CCNG2: variants seen among roughly 807,000 people sequenced by gnomAD.
CCNG2 encodes the protein cyclin-G2.
Under a neutral mutation model 36.5 loss-of-function variants are expected in CCNG2, and 20 were observed. That is an observed-to-expected ratio of 0.55 (90% CI 0.39 to 0.80). CCNG2 has a LOEUF of 0.80. Ranked by LOEUF, CCNG2 falls within the 30% of genes least tolerant of loss-of-function variation. CCNG2 has a pLI of 0.00. For synonymous variants in CCNG2, 155 were observed against 140.1 expected (o/e 1.11, Z -0.75); for missense variants, 358 against 390.8 (o/e 0.92, Z 0.71).
intron 1 of CCNG2, 39 bp from the exon 2 acceptor site, chr4:77,158,493 AC>A (rs1201130141): frequency 4.7e-5 from 75 of 1,610,806 alleles, no homozygotes; most frequent in Non-Finnish European, 6.2e-5. Context: ...CACCCCTCTT[AC>A]CCCCAGATTA....
rs1414188696 is a variant in CCNG2 at position 77,166,227 on chromosome 4, A to G, written c.*303A>G. 1 of 185,620 alleles carries G rather than the reference A, an allele frequency of 5.4e-6. No individual in the cohort carries two copies. Among genetic ancestry groups the G allele is most frequent in the East Asian group, 1.4e-4 (1 of 7,144 alleles). The allele number at this position is 185,620 out of a possible 1,614,324, so 11.5% of individuals were successfully genotyped here. ...TACCTTCAATTTGTTACTTTTCAAG[A>G]TTTTTAAAAATAACTAGTGTAGCTT... is the stretch of plus-strand genomic sequence containing the variant. On this transcript the variant is annotated 3_prime_UTR_variant, in exon 8 of 8. Transcript: ENST00000316355.
At chr4:77,162,376 ATTTTTTTT>A (rs35692387) in intron 6 of CCNG2, among the ~76,000 whole-genome samples, 3 of 71,450 alleles carry the variant, frequency 4.2e-5, no homozygotes, top group South Asian at 1.0e-3. Flanking sequence ...GTACTTTGGG[ATTTTTTTT>A]TTTTTTTTTT....
In CCNG2 at chr4:77,161,598, G is replaced by C. The variant is rs143990000; in HGVS notation, c.606+40G>C. The C allele has an allele frequency of 8.2e-4, 1,288 of 1,572,808 alleles. 9 individuals are homozygous for C. The African/African-American group carries it at 0.016, about 20-fold the overall frequency. On this transcript the variant is annotated intron_variant, in intron 5 of 7. Coordinates refer to ENST00000316355, the MANE Select transcript of CCNG2 (RefSeq NM_004354.3). ...TGCTTATGTATATATCTCACAGTTT[G>C]TATTTTGAATTTTTAAAAAATATTT...
At position 77,158,237 on chromosome 4, in the gene CCNG2, G is replaced by A. The variant is rs1731323856; in HGVS notation, c.1-296G>A. ...CGACTTCAGGTGGGGCAGACCGAGG[G>A]GACGCCGGCGCCCGCGGACAGTTTC... On this transcript the variant is annotated intron_variant, in intron 1 of 7. Transcript: ENST00000316355. The A allele has an allele frequency of 7.7e-6, 3 of 388,874 alleles. No individual in the cohort carries two copies. In the South Asian group the frequency reaches 1.0e-4, roughly 13 times the overall value. The allele number at this position is 388,874 out of a possible 1,614,324, so 24.1% of individuals were successfully genotyped here.
intron 2 of CCNG2, 122 bp downstream of exon 2, chr4:77,158,792 A>T (rs1052461776): frequency 1.0e-6 from 1 of 959,578 alleles, no homozygotes; most frequent in Non-Finnish European, 1.6e-6. Flanking sequence ...TTCTTTCTGG[A>T]GTACCAAGAT....
At chr4:77,161,397 TG>T in intron 4 of CCNG2, 82 bp from the exon 5 acceptor site, 1 of 1,097,950 alleles carries the variant, frequency 9.1e-7, no homozygotes, top group Non-Finnish European at 1.3e-6. Flanking sequence ...ACACCGCGTC[TG>T]GCCCTGGCAA....
chr4:77,166,091 T>A lies in CCNG2; in HGVS notation c.*167T>A. On this transcript the variant is annotated 3_prime_UTR_variant, in exon 8 of 8. Coordinates refer to ENST00000316355, the MANE Select transcript of CCNG2 (RefSeq NM_004354.3). ...ATCTGGCCTATTTTCATATTTATCC[T>A]AAGCCATCAAATGGGGTAGTGCCTC... 1 of 552,808 alleles carries A rather than the reference T, an allele frequency of 1.8e-6. No individual in the cohort carries two copies. The highest frequency in any genetic ancestry group is 1.9e-5 in the African/African-American group (1 of 51,514). 34.2% of individuals were successfully genotyped at this position (552,808 alleles called of 1,614,324 possible). A position where few individuals can be genotyped will look rare whatever the true frequency, so the allele number is the denominator to read the frequency against.
intron 6 of CCNG2, among the ~76,000 whole-genome samples, chr4:77,163,190 T>C (rs1039155034): frequency 1.3e-5 from 2 of 152,132 alleles, no homozygotes; most frequent in African/African-American, 2.4e-5. Context: ...GAATCCTTTT[T>C]GTAGGGGTCA....
intron 7 of CCNG2, 47 bp downstream of exon 7, chr4:77,164,526 C>T (rs748786726): frequency 1.4e-6 from 2 of 1,384,362 alleles, no homozygotes; most frequent in Non-Finnish European, 2.0e-6. Flanking sequence ...CTAAATATTA[C>T]TGAGTTTATT....
rs1731336067 is a variant in CCNG2 at position 77,158,532 on chromosome 4, G to T, written c.1-1G>T. ...TTCTCTGTGTGGTGTCTTTACTGCA[G>T]ATGAAGGATTTGGGGGCAGAGCACT... On this transcript the variant is annotated splice_acceptor_variant, in intron 1 of 7. Coordinates refer to ENST00000316355, the MANE Select transcript of CCNG2 (RefSeq NM_004354.3). LOFTEE classifies it low-confidence loss of function (5UTR_SPLICE). 1 of 1,614,068 alleles carries T rather than the reference G, an allele frequency of 6.2e-7. No individual in the cohort carries two copies. Among genetic ancestry groups the T allele is most frequent in the African/African-American group, 1.3e-5 (1 of 74,940 alleles).
At chr4:77,161,097 A>ATATT in intron 4 of CCNG2, 126 bp downstream of exon 4, 23 of 475,092 alleles carry the variant, frequency 4.8e-5, no homozygotes, top group Non-Finnish European at 6.2e-5. Context: ...TTATTGGTAA[A>ATATT]TCTTTTTTTT....
In CCNG2 at chr4:77,161,752, T is replaced by G; in HGVS notation, c.705+5T>G. ...CTAGTTAAAAAACATTCCAAGGTAA[T>G]TACAGTCATTATTCTTTAAGGCAAA... On this transcript the variant is annotated splice_donor_5th_base_variant and intron_variant, in intron 6 of 7. Coordinates refer to ENST00000316355, the MANE Select transcript of CCNG2 (RefSeq NM_004354.3). 1 of 1,559,310 alleles carries G rather than the reference T, an allele frequency of 6.4e-7. No homozygotes were observed. The highest frequency in any genetic ancestry group is 2.0e-4 in the Middle Eastern group (1 of 4,890).
chr4:77,158,277 C>T, intron 1 of CCNG2: 2 of 466,710 alleles, frequency 4.3e-6, no homozygotes, highest in South Asian at 6.2e-5. Context: ...TTGTGAAACG[C>T]CAAGAGGCCA....
chr4:77,159,336 T>G, intron 2 of CCNG2, 31 bp from the exon 3 acceptor site: 1 of 1,584,744 alleles, frequency 6.3e-7, no homozygotes, highest in Non-Finnish European at 8.6e-7. Context: ...CTAAGAAAAT[T>G]GTAAACCTTG....
At position 77,167,416 on chromosome 4, in the gene CCNG2, T is replaced by G. The variant is rs1731656928; in HGVS notation, c.*1492T>G. On this transcript the variant is annotated 3_prime_UTR_variant, in exon 8 of 8. Transcript: ENST00000316355. ...TGACCTCTTTGTGGGATGGACTCAT[T>G]AAGTATGCTCTCAGAGACTGGTATA... The G allele has an allele frequency of 6.6e-6, 1 of 152,180 alleles. No homozygotes were observed. The highest frequency in any genetic ancestry group is 6.5e-5 in the Admixed American group (1 of 15,278). The allele number at this position is 152,180 out of a possible 1,614,324, so 9.4% of individuals were successfully genotyped here.
Position 77,167,934 on chromosome 4 carries a change from A to C in CCNG2, c.*2010A>C, listed in dbSNP as rs780565482. The C allele has an allele frequency of 4.6e-5, 7 of 152,308 alleles. No homozygotes were observed. Among genetic ancestry groups the C allele is most frequent in the Middle Eastern group, 3.4e-3 (1 of 292 alleles). 9.4% of individuals were successfully genotyped at this position (152,308 alleles called of 1,614,324 possible). ...TGTAAAAGTTGTTTGGGGCTTACCA[A>C]ATCTCAAGACTCTCTTTAGCTCCTG... On this transcript the variant is annotated 3_prime_UTR_variant, in exon 8 of 8. Transcript: ENST00000316355.
chr4:77,162,536 C>T (rs948973248), intron 6 of CCNG2, among the ~76,000 whole-genome samples: 2 of 152,022 alleles, frequency 1.3e-5, no homozygotes, highest in African/African-American at 2.4e-5. Flanking sequence ...GTGCTCACCA[C>T]CATGCCAGGC....
At chr4:77,161,265 G>A (rs538980714) in intron 4 of CCNG2, among the ~76,000 whole-genome samples, 14 of 152,098 alleles carry the variant, frequency 9.2e-5, no homozygotes, top group East Asian at 5.8e-4. Flanking sequence ...ACCACACCTG[G>A]CTAATTTTAT....
At position 77,159,471 on chromosome 4, in the gene CCNG2, C is replaced by G; in HGVS notation, c.243C>G (p.Val81=). The change falls in exon 3 of 8, where the codon GTC becomes GTG. Residue 81 remains valine, a synonymous_variant. Coordinates refer to ENST00000316355, the MANE Select transcript of CCNG2 (RefSeq NM_004354.3). ...GCACTGAAACTTTTGTCCTGGCTGTCAATATTTTGGACAGGTTCTTGGCTC... is the reference window on the plus strand; with the variant it reads ...GCACTGAAACTTTTGTCCTGGCTGTGAATATTTTGGACAGGTTCTTGGCTC... ...GSCTETFVLA[V]NILDRFLALM... The G allele has an allele frequency of 6.2e-7, 1 of 1,613,800 alleles. No homozygotes were observed. Among genetic ancestry groups the G allele is most frequent in the Non-Finnish European group, 8.5e-7 (1 of 1,179,896 alleles).
Sources: allele counts gnomAD v4.1 joint callset (sites outside exome capture counted in the v4.1 genomes callset), GRCh38; gene constraint gnomAD v4.1.1; transcripts MANE v1.5; gene names NCBI Gene and HGNC (gene_info 2026-07-23, HGNC 2026-07-21).